Variants in RGPD4 observed in about 807,000 individuals in gnomAD.
RGPD4 encodes ranBP2-like and GRIP domain-containing protein 4.
Under a neutral mutation model 141.1 loss-of-function variants are expected in RGPD4, and 84 were observed. The ratio of observed to expected loss-of-function variants is 0.60; its 90% CI spans 0.50 to 0.71. The LOEUF is 0.71. Ranked by LOEUF, RGPD4 falls within the 30% of genes least tolerant of loss-of-function variation. The pLI is 0.00. For synonymous variants in RGPD4, 298 were observed against 566.8 expected (o/e 0.53, Z 6.74); for missense variants, 918 against 1,622.4 (o/e 0.57, Z 7.46).
At chr2:107,855,098 A>AT (rs1197601378) in intron 8 of RGPD4, among the ~76,000 whole-genome samples, 12 of 94,206 alleles carry the variant, frequency 1.3e-4, no homozygotes, top group Admixed American at 4.0e-4. Context: ...GAATTTGTGG[A>AT]TTTTTTCCCC....
At chr2:107,890,576 A>AACACC (rs1675628273) in intron 22 of RGPD4, 145 bp from the exon 23 acceptor site, 2 of 88,404 alleles carry the variant, frequency 2.3e-5, no homozygotes, top group African/African-American at 6.1e-5. Flanking sequence ...AAAAAAAAGA[A>AACACC]CCCCCCCCCC....
intron 21 of RGPD4, among the ~76,000 whole-genome samples, chr2:107,882,370 G>T (rs1675390219): frequency 6.6e-6 from 1 of 151,842 alleles, no homozygotes. Flanking sequence ...GGACAGTGGA[G>T]TCCTATAGCC....
At position 107,870,835 on chromosome 2, in the gene RGPD4, A is replaced by G. The variant is rs1478739904; in HGVS notation, c.2831A>G (p.Asp944Gly). 3.1e-6 allele frequency: 5 copies of G among 1,610,366 alleles called. No homozygotes were observed. In the African/African-American group the frequency reaches 6.7e-5, roughly 22 times the overall value. ...GAAAGTGAAAAGCCTCTTGAAAATGATACTGGCTTCCAGGCTCAGGATATT... is the reference window on the plus strand; with the variant it reads ...GAAAGTGAAAAGCCTCTTGAAAATGGTACTGGCTTCCAGGCTCAGGATATT... ...EKESEKPLEN[D>G]TGFQAQDISG... The change falls in exon 20 of 23, where the codon GAT (aspartate) becomes GGT (glycine). Residue 944 changes from aspartate (D) to glycine (G), a missense_variant. Transcript: ENST00000408999.
intron 1 of RGPD4, among the ~76,000 whole-genome samples, chr2:107,831,693 AGCCTGTAGCTG>A (rs1681498194): frequency 7.7e-6 from 1 of 129,894 alleles, no homozygotes; most frequent in South Asian, 2.5e-4. Context: ...CTCCTGCCCC[AGCCTGTAGCTG>A]GGACTACAGG....
chr2:107,864,442 C>T (rs1682662113), intron 17 of RGPD4, among the ~76,000 whole-genome samples: 1 of 64,608 alleles, frequency 1.5e-5, no homozygotes. Flanking sequence ...TAGTGGAGCA[C>T]CGGTCCATGA....
intron 20 of RGPD4, among the ~76,000 whole-genome samples, chr2:107,876,741 G>T (rs544343797): frequency 6.6e-6 from 1 of 151,668 alleles, no homozygotes; most frequent in Admixed American, 6.6e-5. Context: ...TCACTTATTA[G>T]GGTAAAAAAG....
intron 6 of RGPD4, among the ~76,000 whole-genome samples, chr2:107,846,278 G>A (rs1573479399): frequency 2.0e-5 from 3 of 151,222 alleles, no homozygotes; most frequent in East Asian, 3.9e-4. Context: ...CCAAAGTACT[G>A]GAAGGTCTCA....
At chr2:107,830,426 G>C (rs746656742) in intron 1 of RGPD4, among the ~76,000 whole-genome samples, 20 of 151,468 alleles carry the variant, frequency 1.3e-4, no homozygotes, top group Non-Finnish European at 4.4e-5. Flanking sequence ...AAAACCACTG[G>C]TCTAGACAGA....
In RGPD4 at chr2:107,859,265, A is replaced by G. The variant is rs199557356; in HGVS notation, c.1428A>G (p.Ala476=). The change falls in exon 10 of 23, where the codon GCA becomes GCG. Residue 476 remains alanine (A), a synonymous_variant. Transcript: ENST00000408999. ...PQETSRLETN[A]PESICILDLE... The stretch of plus-strand genomic sequence containing the variant: ...AAACCTCAAGGCTTGAAACAAATGC[A>G]CCTGAATCAATATGTATTTTAGATC... The G allele has an allele frequency of 8.2e-5, 115 of 1,395,080 alleles. No homozygotes were observed. The highest frequency in any genetic ancestry group is 3.6e-4 in the East Asian group (14 of 39,338). 86.4% of individuals were successfully genotyped at this position (1,395,080 alleles called of 1,614,324 possible). A position where few individuals can be genotyped will look rare whatever the true frequency, so the allele number is the denominator to read the frequency against.
rs754109764 is a variant in RGPD4 at position 107,859,394 on chromosome 2, G to A, written c.1474G>A (p.Val492Ile). 6.2e-7 allele frequency: 1 copy of A among 1,609,334 alleles called. No individual in the cohort carries two copies. The highest frequency in any genetic ancestry group is 8.5e-7 in the Non-Finnish European group (1 of 1,179,680). The change falls in exon 11 of 23, where the codon GTA becomes ATA. Residue 492 changes from valine (V) to isoleucine (I), a missense_variant. By Grantham distance (29) the Val-to-Ile change is conservative. Transcript: ENST00000408999. ...ILDLEVFLLG[V>I]VYTSHLQLKE... ...AATAAAACAGGTATTTCTCCTTGGA[G>A]TAGTATATACCAGCCACTTACAATT...
intron 1 of RGPD4, among the ~76,000 whole-genome samples, chr2:107,829,626 G>C (rs916610419): frequency 1.1e-3 from 168 of 152,000 alleles, no homozygotes; most frequent in East Asian, 2.5e-3. Context: ...TTGAGGCGCC[G>C]GCCGGCTGGC....
chr2:107,827,080 C>T lies in RGPD4; in HGVS notation c.67C>T (p.Arg23Ter), dbSNP rs757972961. 3.8e-6 allele frequency: 6 copies of T among 1,589,870 alleles called. No individual in the cohort carries two copies. The highest frequency in any genetic ancestry group is 2.3e-5 in the East Asian group (1 of 43,838). The change falls in exon 1 of 23, where the codon CGA becomes TGA. Residue 23 changes from arginine to a stop codon, truncating the protein, a stop_gained. Coordinates refer to ENST00000408999, the MANE Select transcript of RGPD4 (RefSeq NM_182588.3). LOFTEE classifies it high-confidence loss of function. ...ASVQGSAPSP[R>*]KKSTRGFYFA... is the part of the protein sequence containing the mutation. ...CGTGCAGGGCTCCGCCCCGTCGCCT[C>T]GAAAGGTGAGTGGATCTCGAAGAGA...
intron 1 of RGPD4, among the ~76,000 whole-genome samples, chr2:107,834,487 A>G (rs541768371): frequency 3.3e-4 from 51 of 152,242 alleles, no homozygotes; most frequent in African/African-American, 1.2e-3. Context: ...CAGGACACGA[A>G]TCATCCCTTT....
intron 22 of RGPD4, among the ~76,000 whole-genome samples, chr2:107,887,560 A>ATGTGTT (rs1675549607): frequency 4.1e-5 from 6 of 148,084 alleles, no homozygotes; most frequent in African/African-American, 1.3e-4. Context: ...TATAATAAAC[A>ATGTGTT]CATACTAGGG....
intron 1 of RGPD4, among the ~76,000 whole-genome samples, chr2:107,834,022 A>AG (rs1453565352): frequency 6.0e-5 from 9 of 150,826 alleles, no homozygotes; most frequent in South Asian, 4.2e-4. Context: ...AAAAAAAGGA[A>AG]GGGGGGAACA....
intron 6 of RGPD4, among the ~76,000 whole-genome samples, chr2:107,846,951 ACT>A (rs1324420572): frequency 1.3e-5 from 2 of 150,416 alleles, no homozygotes; most frequent in Non-Finnish European, 3.0e-5. Context: ...CCTCTAGAAA[ACT>A]CAGCTCAGCG....
At chr2:107,873,650 A>C (rs1205017521) in intron 20 of RGPD4, among the ~76,000 whole-genome samples, 1 of 151,424 alleles carries the variant, frequency 6.6e-6, no homozygotes, top group Admixed American at 6.6e-5. Context: ...AGTCTTGCTC[A>C]TGTATTAAAG....
intron 1 of RGPD4, among the ~76,000 whole-genome samples, chr2:107,828,514 CG>C (rs1681324936): frequency 4.4e-5 from 2 of 45,096 alleles, no homozygotes; most frequent in Non-Finnish European, 1.1e-4. Context: ...CCCGGCCCGG[CG>C]GCGGCCTCGA....
At chr2:107,830,344 A>T (rs1322000511) in intron 1 of RGPD4, among the ~76,000 whole-genome samples, 1 of 8,060 alleles carries the variant, frequency 1.2e-4, no homozygotes, top group Non-Finnish European at 3.1e-4. Flanking sequence ...AAACAAGCTT[A>T]AAAAAAAAAA....
Sources: allele counts gnomAD v4.1 joint callset (sites outside exome capture counted in the v4.1 genomes callset), GRCh38; gene constraint gnomAD v4.1.1; transcripts MANE v1.5; gene names NCBI Gene and HGNC (gene_info 2026-07-23, HGNC 2026-07-21).